Variants in KCNQ1 observed in about 807,000 individuals in gnomAD.
KCNQ1 encodes the protein potassium voltage-gated channel subfamily KQT member 1.
Under a neutral mutation model 72.4 loss-of-function variants are expected in KCNQ1, and 49 were observed. The observed-to-expected ratio is 0.68, with a 90% confidence interval of 0.54 to 0.86. The LOEUF is 0.86. KCNQ1 is among the 40% of genes least tolerant of loss of function. The pLI is 0.00. For missense variants in KCNQ1, 790 were observed against 945.1 expected (o/e 0.84, Z 2.15); for synonymous variants, 450 against 412.6 (o/e 1.09, Z -1.10).
intron 11 of KCNQ1, chr11:2,688,786 T>A (rs1850536504): frequency 2.5e-6 from 1 of 398,760 alleles, no homozygotes; most frequent in Non-Finnish European, 4.4e-6. Context: ...CCTATATACT[T>A]GCCCTCCCCC....
intron 11 of KCNQ1, among the ~76,000 whole-genome samples, chr11:2,719,700 A>C (rs1408184510): frequency 6.6e-6 from 1 of 152,156 alleles, no homozygotes; most frequent in Non-Finnish European, 1.5e-5. Context: ...CAGTGTAGGA[A>C]GTCCTGCCCT....
At position 2,445,203 on chromosome 11, in the gene KCNQ1, C is replaced by T. The variant is rs968695655; in HGVS notation, c.105C>T (p.Pro35=). 2 of 1,146,908 alleles carry T rather than the reference C, an allele frequency of 1.7e-6. No homozygotes were observed. The highest frequency in any genetic ancestry group is 5.7e-5 in the South Asian group (2 of 35,316). 71.0% of individuals were successfully genotyped at this position (1,146,908 alleles called of 1,614,324 possible). ...RGSAGLAKKC[P]FSLELAEGGP... ...GCGCGGGCCTGGCCAAGAAGTGCCC[C>T]TTCTCGCTGGAGCTGGCGGAGGGCG... is the stretch of plus-strand genomic sequence containing the variant. The change falls in exon 1 of 16, where the codon CCC becomes CCT. Residue 35 remains proline (P), a synonymous_variant. Coordinates refer to ENST00000155840, the MANE Select transcript of KCNQ1 (RefSeq NM_000218.3).
intron 1 of KCNQ1, among the ~76,000 whole-genome samples, chr11:2,448,006 G>A (rs1043747064): frequency 2.6e-5 from 4 of 152,184 alleles, no homozygotes; most frequent in Non-Finnish European, 5.9e-5. Flanking sequence ...CACAACTCTT[G>A]CCCGCTTAGG....
chr11:2,640,246 A>G (rs1589998494), intron 10 of KCNQ1: 2 of 396,876 alleles, frequency 5.0e-6, no homozygotes, highest in African/African-American at 2.1e-5. Context: ...CCCCAGTGAG[A>G]TGAACCCACT....
In KCNQ1 at chr11:2,783,871, GT is replaced by G. The variant is rs1245815721; in HGVS notation, c.1794+5840del. 1.3e-5 allele frequency among the ~76,000 whole-genome samples: 2 copies of G among 151,936 alleles called. No individual in the cohort carries two copies. The highest frequency in any genetic ancestry group is 2.9e-5 in the Non-Finnish European group (2 of 67,868). On this transcript the variant is annotated intron_variant, in intron 15 of 15. Coordinates refer to ENST00000155840, the MANE Select transcript of KCNQ1 (RefSeq NM_000218.3). This position sits in a 1 kb window ranked among gnomAD's most constrained non-coding sequence, Gnocchi z 5.2. ...TCTGTTCTATTATTGAGTTGCAAGG[GT>G]TTTTTATATGTTCTGGATACAAGTC...
At chr11:2,584,326 A>C (rs2133752369) in intron 7 of KCNQ1, among the ~76,000 whole-genome samples, 1 of 151,848 alleles carries the variant, frequency 6.6e-6, no homozygotes, top group East Asian at 1.9e-4. Flanking sequence ...TGCTTGTGTT[A>C]GTGTTTGTGT....
chr11:2,502,846 A>G (rs1847039597), intron 1 of KCNQ1, among the ~76,000 whole-genome samples: 1 of 152,218 alleles, frequency 6.6e-6, no homozygotes, highest in African/African-American at 2.4e-5. Context: ...ACGTAGACCA[A>G]TGGAACAGAA....
Position 2,725,470 on chromosome 11 carries a change from G to A in KCNQ1, c.1515-43374G>A, listed in dbSNP as rs961300671. ...CGTGGAGGTGACCTGCCATTTGTCC[G>A]GTTGGGGGTCCCCAATCGTCTTCGA... On this transcript the variant is annotated intron_variant, in intron 11 of 15. Transcript: ENST00000155840. This position sits in a 1 kb window ranked among gnomAD's most constrained non-coding sequence, Gnocchi z 7.2. Among the ~76,000 whole-genome samples the A allele has an allele frequency of 1.1e-4, 17 of 152,230 alleles. No homozygotes were observed. The highest frequency in any genetic ancestry group is 1.9e-4 in the East Asian group (1 of 5,200).
Position 2,784,349 on chromosome 11 carries a change from T to G in KCNQ1, c.1794+6312T>G, listed in dbSNP as rs1170638550. Among the ~76,000 whole-genome samples, 2 of 151,966 alleles carry G rather than the reference T, an allele frequency of 1.3e-5. No homozygotes were observed. Among genetic ancestry groups the G allele is most frequent in the Admixed American group, 1.3e-4 (2 of 15,270 alleles). On this transcript the variant is annotated intron_variant, in intron 15 of 15. Coordinates refer to ENST00000155840, the MANE Select transcript of KCNQ1 (RefSeq NM_000218.3). This position sits in a 1 kb window ranked among gnomAD's most constrained non-coding sequence, Gnocchi z 4.7. ...ATAGGTTTATTTCTGGATTTTCAAT[T>G]CTATTATGTTGGTCTATATGCCTTT...
At chr11:2,689,366 A>G (rs1046342808) in intron 11 of KCNQ1, 1 of 398,534 alleles carries the variant, frequency 2.5e-6, no homozygotes, top group African/African-American at 2.1e-5. Context: ...AGCCTTGGGA[A>G]GAGGTGCTTG....
At chr11:2,614,596 T>C (rs80257402) in intron 10 of KCNQ1, 6,564 of 398,500 alleles carry the variant, frequency 0.016, 283 homozygotes, top group East Asian at 0.11. Context: ...CTTTGATATA[T>C]GAGGATCCAG....
rs1000379300 is a variant in KCNQ1 at position 2,471,631 on chromosome 11, C to T, written c.386+26147C>T. On this transcript the variant is annotated intron_variant, in intron 1 of 15. Transcript: ENST00000155840. The surrounding 1 kb of genome is among the most constrained non-coding windows in gnomAD (Gnocchi z 4.8). ...GTGTATATGGGTGTGTGCACGTATG[C>T]ACGGATGTGTGTACACATGTGTATG... Among the ~76,000 whole-genome samples, 1 of 143,936 alleles carries T rather than the reference C, an allele frequency of 6.9e-6. No homozygotes were observed. The highest frequency in any genetic ancestry group is 2.2e-4 in the South Asian group (1 of 4,448). 94.4% of individuals were successfully genotyped at this position (143,936 alleles called of 152,430 possible).
intron 11 of KCNQ1, chr11:2,686,186 A>G (rs1396819302): frequency 5.0e-6 from 2 of 398,698 alleles, no homozygotes; most frequent in African/African-American, 2.1e-5. Flanking sequence ...ATGCCTACTC[A>G]TCCTGCCCAA....
chr11:2,474,302 G>A (rs1036242778), intron 1 of KCNQ1, among the ~76,000 whole-genome samples: 13 of 152,162 alleles, frequency 8.5e-5, no homozygotes, highest in Non-Finnish European at 1.8e-4. Flanking sequence ...TCACCTCCTA[G>A]GAGGGAAGAG....
intron 10 of KCNQ1, among the ~76,000 whole-genome samples, chr11:2,597,166 A>G (rs1848744632): frequency 6.6e-6 from 1 of 152,206 alleles, no homozygotes; most frequent in East Asian, 1.9e-4. Context: ...TCTGATTATT[A>G]AATATCAAAG....
At chr11:2,694,010 C>T (rs1590037063) in intron 11 of KCNQ1, 2 of 398,706 alleles carry the variant, frequency 5.0e-6, no homozygotes, top group East Asian at 7.1e-5. Flanking sequence ...AGGCCACCTC[C>T]AACTTGGTCA....
In KCNQ1 at chr11:2,647,686, C is replaced by T. The variant is rs972399797; in HGVS notation, c.1394-14275C>T. 2.5e-6 allele frequency: 1 copy of T among 398,496 alleles called. No individual in the cohort carries two copies. Among genetic ancestry groups the T allele is most frequent in the Non-Finnish European group, 4.4e-6 (1 of 226,040 alleles). 24.7% of individuals were successfully genotyped at this position (398,496 alleles called of 1,614,324 possible). ...TACAATCTCATTCCTTGTTATTGCTCTGTTCAGATTTTTTTTCTTCCTGGT... is the reference window on the plus strand; with the variant it reads ...TACAATCTCATTCCTTGTTATTGCTTTGTTCAGATTTTTTTTCTTCCTGGT... On this transcript the variant is annotated intron_variant, in intron 10 of 15. Transcript: ENST00000155840. The surrounding 1 kb of genome is among the most constrained non-coding windows in gnomAD (Gnocchi z 4.0).
rs1846832922 is a variant in KCNQ1, at chr11:2,782,072, C to G, written c.1794+4035C>G. ...GCCCCCAGACACTGCTACCCTTTCC[C>G]TCATTCCAGTGTGACTCCTCCATCA... is the stretch of plus-strand genomic sequence containing the variant. On this transcript the variant is annotated intron_variant, in intron 15 of 15. Transcript: ENST00000155840. This position sits in a 1 kb window ranked among gnomAD's most constrained non-coding sequence, Gnocchi z 6.1. Among the ~76,000 whole-genome samples, 2 of 152,158 alleles carry G rather than the reference C, an allele frequency of 1.3e-5. No homozygotes were observed. The highest frequency in any genetic ancestry group is 4.1e-4 in the South Asian group (2 of 4,830).
intron 10 of KCNQ1, chr11:2,618,645 C>T: frequency 7.5e-6 from 3 of 398,442 alleles, no homozygotes; most frequent in Non-Finnish European, 1.3e-5. Flanking sequence ...CTTTGTTTTT[C>T]AGAACAGAAT....
Sources: gnomAD v4.1 joint callset for allele counts (sites outside exome capture counted in the v4.1 genomes callset) on GRCh38, gnomAD v4.1.1 for gene constraint, Gnocchi (gnomAD v3.1) non-coding constraint, MANE v1.5 for transcripts, NCBI Gene and HGNC (gene_info 2026-07-23, HGNC 2026-07-21) for gene names.